Variants in XPO7 observed in about 807,000 individuals in gnomAD.
XPO7 encodes the protein exportin 7.
Under a neutral mutation model 144.3 loss-of-function variants are expected in XPO7, and 21 were observed. The ratio of observed to expected loss-of-function variants is 0.15; its 90% CI spans 0.10 to 0.21. The LOEUF (loss-of-function observed/expected upper bound fraction) is 0.21. Ranked by LOEUF, XPO7 falls within the 10% of genes least tolerant of loss-of-function variation. The pLI is 1.00. For missense variants in XPO7, 808 were observed against 1,325.8 expected (o/e 0.61, Z 6.06); for synonymous variants, 580 against 499.6 (o/e 1.16, Z -2.15).
intron 1 of XPO7, among the ~76,000 whole-genome samples, chr8:21,948,287 C>T (rs896034734): frequency 1.2e-4 from 19 of 152,298 alleles, no homozygotes; most frequent in Middle Eastern, 3.4e-3. Flanking sequence ...ACATAGCCAT[C>T]ATAGCACAAC....
At chr8:21,987,002 C>T (rs1290839231) in intron 13 of XPO7, 139 bp from the exon 14 acceptor site, 4 of 1,218,342 alleles carry the variant, frequency 3.3e-6, no homozygotes, top group East Asian at 2.4e-5. Flanking sequence ...CTGCCTCCCT[C>T]ATTTATGTAG....
chr8:21,963,679 A>G (rs940101281), intron 1 of XPO7, among the ~76,000 whole-genome samples: 6 of 146,400 alleles, frequency 4.1e-5, no homozygotes, highest in Non-Finnish European at 9.0e-5. Flanking sequence ...TGGGCGACAG[A>G]GTGAGACTCC....
At chr8:21,999,776 T>A in intron 24 of XPO7, 102 bp downstream of exon 24, 1 of 1,462,630 alleles carries the variant, frequency 6.8e-7, no homozygotes, top group Non-Finnish European at 9.3e-7. Context: ...AGATCACCAC[T>A]GCCTTGGGGG....
At chr8:21,989,957 C>T (rs1438234766) in intron 16 of XPO7, among the ~76,000 whole-genome samples, 1 of 148,540 alleles carries the variant, frequency 6.7e-6, no homozygotes, top group African/African-American at 2.5e-5. Context: ...TCATGCCATT[C>T]TCCTGCCTCA....
In XPO7 at chr8:21,981,893, C is replaced by G. The variant is rs368006516; in HGVS notation, c.1104+16C>G. 6.2e-7 allele frequency: 1 copy of G among 1,609,602 alleles called. No individual in the cohort carries two copies. Among genetic ancestry groups the G allele is most frequent in the East Asian group, 2.2e-5 (1 of 44,726 alleles). On this transcript the variant is annotated intron_variant, in intron 10 of 27. Coordinates refer to ENST00000252512, the MANE Select transcript of XPO7 (RefSeq NM_015024.5). The stretch of plus-strand genomic sequence containing the variant: ...CAGCCTACAGGTTTGTCTTTGATTA[C>G]TTGTGTCTTCCTTCCTAAATACTGG...
intron 11 of XPO7, 99 bp downstream of exon 11, chr8:21,982,911 T>G: frequency 1.4e-6 from 2 of 1,405,770 alleles, no homozygotes; most frequent in Non-Finnish European, 1.9e-6. Context: ...TCGAAGCGTG[T>G]CTCATTGGAG....
At position 21,984,732 on chromosome 8, in the gene XPO7, A is replaced by T; in HGVS notation, c.1364A>T (p.Glu455Val). Residue 455 changes from glutamate to valine, a missense_variant, in exon 12 of 28, where the codon GAG becomes GTG. Around this residue, in one of 5 missense-constraint regions of XPO7, gnomAD observed 416 missense variants for 612.5 expected, o/e 0.68. Transcript: ENST00000252512. ...QLSTIGRCEY[E>V]KTCALLVQLF... Reference sequence around the variant, plus strand: ...TCCACCATTGGGCGTTGTGAATATGAGAAGACGTGTGCACTCCTCGTGCAG... The same window carrying T: ...TCCACCATTGGGCGTTGTGAATATGTGAAGACGTGTGCACTCCTCGTGCAG... 6.2e-7 allele frequency: 1 copy of T among 1,614,002 alleles called. No homozygotes were observed. Among genetic ancestry groups the T allele is most frequent in the African/African-American group, 1.3e-5 (1 of 75,054 alleles).
At chr8:21,933,308 G>A (rs1278010089) in intron 1 of XPO7, among the ~76,000 whole-genome samples, 2 of 152,024 alleles carry the variant, frequency 1.3e-5, no homozygotes, top group Non-Finnish European at 2.9e-5. Context: ...CACCATGTTA[G>A]CCAGGATGGT....
chr8:21,959,509 T>C (rs946358013), intron 1 of XPO7, among the ~76,000 whole-genome samples: 1 of 152,210 alleles, frequency 6.6e-6, no homozygotes, highest in African/African-American at 2.4e-5. Flanking sequence ...CATTACTCTG[T>C]ACTGAATCAA....
At position 21,982,890 on chromosome 8, in the gene XPO7, C is replaced by G. The variant is rs977347136; in HGVS notation, c.1277+78C>G. 3.4e-6 allele frequency: 5 copies of G among 1,485,286 alleles called. No homozygotes were observed. In the African/African-American group the frequency reaches 5.6e-5, roughly 17 times the overall value. The allele number at this position is 1,485,286 out of a possible 1,614,324, so 92.0% of individuals were successfully genotyped here. ...TCCTAGAGATCAGACACCCCATTGG[C>G]AAAGAGGTACTCGAAGCGTGTCTCA... On this transcript the variant is annotated intron_variant, in intron 11 of 27. Transcript: ENST00000252512.
rs373727892 is a variant in XPO7, at chr8:21,940,809, A to G, written c.18+21021A>G. Among the ~76,000 whole-genome samples the G allele has an allele frequency of 2.5e-4, 38 of 152,034 alleles. 3 individuals are homozygous for G. Among genetic ancestry groups the G allele is most frequent in the Admixed American group, 2.0e-3 (30 of 15,254 alleles). ...TCATCGTCCTGTATAGTCTTGCCAA[A>G]AACACTTCCTGTATGTAATCTTGCC... is the stretch of plus-strand genomic sequence containing the variant. On this transcript the variant is annotated intron_variant, in intron 1 of 27. Transcript: ENST00000252512.
chr8:21,972,304 C>G (rs559336568), intron 5 of XPO7, among the ~76,000 whole-genome samples: 86 of 152,178 alleles, frequency 5.7e-4, no homozygotes, highest in African/African-American at 2.0e-3. Flanking sequence ...ATGTTGAAAC[C>G]CTGTTTCTAC....
chr8:21,978,951 A>C (rs1328401402), intron 8 of XPO7, among the ~76,000 whole-genome samples: 2 of 152,192 alleles, frequency 1.3e-5, no homozygotes, highest in Non-Finnish European at 2.9e-5. Context: ...CCTCCTAGGG[A>C]ATAGGGCAGG....
At chr8:21,926,718 T>C (rs1426918998) in intron 1 of XPO7, among the ~76,000 whole-genome samples, 1 of 152,204 alleles carries the variant, frequency 6.6e-6, no homozygotes, top group Non-Finnish European at 1.5e-5. Flanking sequence ...ACCTGATGTA[T>C]ATTTCACATA....
intron 6 of XPO7, among the ~76,000 whole-genome samples, chr8:21,975,736 C>T (rs1812204125): frequency 6.6e-6 from 1 of 152,204 alleles, no homozygotes; most frequent in African/African-American, 2.4e-5. Flanking sequence ...ATCCTCCTTA[C>T]TGATACCATC....
At position 21,990,925 on chromosome 8, in the gene XPO7, G is replaced by GT. The variant is rs766700007; in HGVS notation, c.2041+7dup. 8.1e-6 allele frequency: 13 copies of GT among 1,612,462 alleles called. No homozygotes were observed. The East Asian group carries it at 2.5e-4, about 30-fold the overall frequency. On this transcript the variant is annotated splice_region_variant and intron_variant, in intron 18 of 27. Coordinates refer to ENST00000252512, the MANE Select transcript of XPO7 (RefSeq NM_015024.5). ...TCTCCTCATGGTGGATTTAGGTACC[G>GT]TAAGAAATCGTAGTGGCTCATGAAG... is the stretch of plus-strand genomic sequence containing the variant.
At chr8:21,993,097 C>A (rs1389904506) in intron 19 of XPO7, among the ~76,000 whole-genome samples, 1 of 152,142 alleles carries the variant, frequency 6.6e-6, no homozygotes, top group Admixed American at 6.5e-5. Flanking sequence ...ATTTTAGAGT[C>A]TGAGATAGGT....
rs745829001 is a variant in XPO7 at position 22,002,086 on chromosome 8, C to T, written c.2783-26C>T. The T allele has an allele frequency of 9.4e-6, 15 of 1,590,678 alleles. No homozygotes were observed. In the South Asian group the frequency reaches 1.6e-4, roughly 17 times the overall value. On this transcript the variant is annotated intron_variant, in intron 24 of 27. Transcript: ENST00000252512. ...TCCAGGCCACCATCAGCAGCTCTGT[C>T]CTACCCCTGCCTTTCTTTCTTGCAG...
intron 19 of XPO7, among the ~76,000 whole-genome samples, chr8:21,992,685 A>C (rs1252687027): frequency 2.6e-5 from 4 of 152,164 alleles, no homozygotes; most frequent in Admixed American, 2.6e-4. Flanking sequence ...CGTGGCTAGG[A>C]TTATAGGCAC....
Sources: allele counts gnomAD v4.1 joint callset (sites outside exome capture counted in the v4.1 genomes callset), GRCh38; gene constraint gnomAD v4.1.1; regional missense constraint gnomAD v4.1.1; transcripts MANE v1.5; gene names NCBI Gene and HGNC (gene_info 2026-07-23, HGNC 2026-07-21).